The following AFG2A variants were observed in gnomAD, a reference collection of about 807,000 sequenced individuals.
The protein encoded by AFG2A is ATPase family gene 2 protein homolog A.
At chr4:123,142,564 T>C in the AFG2A span, among the ~76,000 whole-genome samples, 1 of 152,202 alleles carries the variant, frequency 6.6e-6, no homozygotes, top group African/African-American at 2.4e-5. Flanking sequence ...TCATTGTTGA[T>C]TTCATGTCCC....
the AFG2A span, among the ~76,000 whole-genome samples, chr4:123,162,616 A>G: frequency 6.6e-6 from 1 of 152,202 alleles, no homozygotes; most frequent in Non-Finnish European, 1.5e-5. Flanking sequence ...TAAATACAAA[A>G]TATAGAGAGA....
the AFG2A span, among the ~76,000 whole-genome samples, chr4:123,053,281 C>T: frequency 6.6e-6 from 1 of 152,240 alleles, no homozygotes; most frequent in African/African-American, 2.4e-5. Flanking sequence ...GTTGATATGG[C>T]TTTCTGGCCC....
the AFG2A span, among the ~76,000 whole-genome samples, chr4:123,174,826 A>AAAT: frequency 0.013 from 1,914 of 150,376 alleles, 20 homozygotes; most frequent in Non-Finnish European, 0.022. Context: ...TTTTAAAAAA[A>AAAT]ATATATATAT....
the AFG2A span, among the ~76,000 whole-genome samples, chr4:123,237,922 C>A: frequency 2.0e-5 from 3 of 152,132 alleles, no homozygotes; most frequent in African/African-American, 7.2e-5. Flanking sequence ...CCTCTCCTAG[C>A]CAAGGGAAGC....
At chr4:122,932,047 G>A in the AFG2A span, among the ~76,000 whole-genome samples, 4 of 151,574 alleles carry the variant, frequency 2.6e-5, no homozygotes, top group South Asian at 4.2e-4. Context: ...TGGGTGGATC[G>A]CCTGAACTTA....
the AFG2A span, among the ~76,000 whole-genome samples, chr4:123,172,825 A>G: frequency 6.6e-6 from 1 of 152,166 alleles, no homozygotes; most frequent in Non-Finnish European, 1.5e-5. Flanking sequence ...ACTTTCTGCT[A>G]GACAGCTCAT....
chr4:123,233,731 G>A, the AFG2A span, among the ~76,000 whole-genome samples: 3 of 151,996 alleles, frequency 2.0e-5, no homozygotes, highest in Non-Finnish European at 4.4e-5. Context: ...GTGTGTGTGT[G>A]TGTGTGTGTA....
the AFG2A span, among the ~76,000 whole-genome samples, chr4:122,990,943 A>G: frequency 3.3e-5 from 5 of 152,304 alleles, no homozygotes; most frequent in East Asian, 9.6e-4. Flanking sequence ...TTGTGGTCAT[A>G]TAAGTTTTGG....
At chr4:122,927,288 G>C in the AFG2A span, among the ~76,000 whole-genome samples, 1 of 152,104 alleles carries the variant, frequency 6.6e-6, no homozygotes, top group African/African-American at 2.4e-5. Flanking sequence ...TCAATCCTTT[G>C]AATACTAGTA....
chr4:123,248,377 A>G, the AFG2A span, among the ~76,000 whole-genome samples: 1 of 152,218 alleles, frequency 6.6e-6, no homozygotes, highest in East Asian at 1.9e-4. Flanking sequence ...AAAAATTACT[A>G]AATTGCATAA....
the AFG2A span, among the ~76,000 whole-genome samples, chr4:122,996,706 T>A: frequency 6.6e-6 from 1 of 151,898 alleles, no homozygotes; most frequent in Non-Finnish European, 1.5e-5. Context: ...AAGCTGGAGA[T>A]GTAGGGAAGC....
chr4:123,040,585 C>T, the AFG2A span, among the ~76,000 whole-genome samples: 5 of 152,156 alleles, frequency 3.3e-5, no homozygotes, highest in South Asian at 2.1e-4. Context: ...ACCTCAGTGA[C>T]GGCTGTGGGT....
the AFG2A span, among the ~76,000 whole-genome samples, chr4:123,252,229 C>T: frequency 6.8e-4 from 104 of 152,150 alleles, 1 homozygote; most frequent in African/African-American, 2.5e-3. Context: ...AACATTCACT[C>T]GAGTATTTTA....
chr4:123,087,150 T>C, the AFG2A span, among the ~76,000 whole-genome samples: 22 of 152,308 alleles, frequency 1.4e-4, no homozygotes, highest in South Asian at 4.6e-3. Context: ...ACATGATATA[T>C]GGGATAAAAT....
chr4:123,115,055 C>A, the AFG2A span, among the ~76,000 whole-genome samples: 3 of 152,170 alleles, frequency 2.0e-5, no homozygotes, highest in South Asian at 2.1e-4. Flanking sequence ...GAGACTGTTG[C>A]CACTGCTGCT....
the AFG2A span, among the ~76,000 whole-genome samples, chr4:123,205,850 G>A: frequency 6.6e-6 from 1 of 152,076 alleles, no homozygotes; most frequent in Non-Finnish European, 1.5e-5. Context: ...AACAGGGAAA[G>A]CCTTTCATAA....
At chr4:123,065,676 G>A in the AFG2A span, among the ~76,000 whole-genome samples, 1 of 152,054 alleles carries the variant, frequency 6.6e-6, no homozygotes. Flanking sequence ...ACACAGTGTG[G>A]CATTTTGTCA....
At chr4:123,028,605 G>A in the AFG2A span, among the ~76,000 whole-genome samples, 1 of 152,100 alleles carries the variant, frequency 6.6e-6, no homozygotes, top group Non-Finnish European at 1.5e-5. Flanking sequence ...TAGACATTGG[G>A]AAGACTGCTT....
chr4:123,119,406 C>T, the AFG2A span, among the ~76,000 whole-genome samples: 1 of 152,122 alleles, frequency 6.6e-6, no homozygotes, highest in Non-Finnish European at 1.5e-5. Flanking sequence ...GTGCGCATAG[C>T]AGAGGGCCTT....
Sources: gnomAD v4.1 joint callset for allele counts (sites outside exome capture counted in the v4.1 genomes callset) on GRCh38, gnomAD v4.1.1 for gene constraint, MANE v1.5 for transcripts, NCBI Gene and HGNC (gene_info 2026-07-23, HGNC 2026-07-21) for gene names.